Variants in KATNA1 observed in about 807,000 individuals in gnomAD.
KATNA1 encodes the protein katanin catalytic subunit A1, also known as katanin p60 ATPase-containing subunit A1.
KATNA1 carries 42 observed loss-of-function variants against 62.6 expected under a neutral mutation model. That is an observed-to-expected ratio of 0.67 (90% CI 0.52 to 0.87). The LOEUF is 0.87. KATNA1 is among the 40% of genes least tolerant of loss of function. KATNA1 has a pLI of 0.00. For synonymous variants in KATNA1, 186 were observed against 201.9 expected (o/e 0.92, Z 0.67); for missense variants, 498 against 612.5 (o/e 0.81, Z 1.97).
intron 1 of KATNA1, among the ~76,000 whole-genome samples, chr6:149,647,252 A>G (rs564530772): frequency 6.6e-6 from 1 of 152,066 alleles, no homozygotes; most frequent in African/African-American, 2.4e-5. Flanking sequence ...GGCCGGGCGC[A>G]GTGGCTCACG....
At chr6:149,609,250 G>GA (rs1778854101) in intron 4 of KATNA1, among the ~76,000 whole-genome samples, 1 of 150,656 alleles carries the variant, frequency 6.6e-6, no homozygotes, top group Non-Finnish European at 1.5e-5. Flanking sequence ...CAAAGACACA[G>GA]AAAAAATTGA....
chr6:149,630,966 C>CA (rs2114602295), intron 3 of KATNA1, among the ~76,000 whole-genome samples: 1 of 152,324 alleles, frequency 6.6e-6, no homozygotes, highest in South Asian at 2.1e-4. Flanking sequence ...AAAAGTTACC[C>CA]AACCTTATTG....
chr6:149,641,179 GTTT>G (rs34750075), intron 1 of KATNA1, among the ~76,000 whole-genome samples: 16 of 130,624 alleles, frequency 1.2e-4, no homozygotes, highest in African/African-American at 4.1e-4. Flanking sequence ...CTGGCCTCGG[GTTT>G]TTTTTTTTTT....
At chr6:149,638,714 CT>C in intron 1 of KATNA1, 154 bp from the exon 2 acceptor site, 3 of 321,932 alleles carry the variant, frequency 9.3e-6, no homozygotes, top group Non-Finnish European at 1.1e-5. Flanking sequence ...TATTTCACTC[CT>C]TTAAAAAAAA....
chr6:149,618,552 A>C (rs948607104), intron 4 of KATNA1, among the ~76,000 whole-genome samples: 1 of 152,224 alleles, frequency 6.6e-6, no homozygotes, highest in Non-Finnish European at 1.5e-5. Context: ...CAAAAGGAAC[A>C]AAGTTGGAGA....
rs953737548 is a variant in KATNA1, at chr6:149,603,417, T to C, written c.624-44A>G. 7.7e-6 allele frequency: 7 copies of C among 903,690 alleles called. No homozygotes were observed. In the Admixed American group the frequency reaches 1.2e-4, roughly 15 times the overall value. The allele number at this position is 903,690 out of a possible 1,614,324, so 56.0% of individuals were successfully genotyped here. A position where few individuals can be genotyped will look rare whatever the true frequency, so the allele number is the denominator to read the frequency against. ...TATTAACAACCCTTTAGATGATACA[T>C]GTCTATGCAGTCACTCTTGAGAACC... On this transcript the variant is annotated intron_variant, in intron 5 of 10. Transcript: ENST00000367411.
Position 149,627,062 on chromosome 6 carries a change from G to A in KATNA1, c.321-3779C>T, listed in dbSNP as rs9505822. Among the ~76,000 whole-genome samples, 323 of 151,874 alleles carry A rather than the reference G, an allele frequency of 2.1e-3. 9 individuals are homozygous for A. The highest frequency in any genetic ancestry group is 7.5e-3 in the African/African-American group (309 of 41,270). ...ACGTGTGTGTGTATAAGCAGTGCATGAAACAGTACATCAGGTAATATTAAG... is the reference window on the plus strand; with the variant it reads ...ACGTGTGTGTGTATAAGCAGTGCATAAAACAGTACATCAGGTAATATTAAG... On this transcript the variant is annotated intron_variant, in intron 3 of 10. Coordinates refer to ENST00000367411, the MANE Select transcript of KATNA1 (RefSeq NM_007044.4).
chr6:149,627,383 T>C (rs967147341), intron 3 of KATNA1, among the ~76,000 whole-genome samples: 3 of 151,424 alleles, frequency 2.0e-5, no homozygotes, highest in African/African-American at 4.9e-5. Flanking sequence ...CTGGCAAATA[T>C]GGCGAAACCC....
At position 149,595,811 on chromosome 6, in the gene KATNA1, T is replaced by G. The variant is rs116221205; in HGVS notation, c.1278-577A>C. ...TTAATCCTCAGAACCCTGTGTGGTA[T>G]GCTCACTTTAGAAAGGAGGAAACGA... On this transcript the variant is annotated intron_variant, in intron 10 of 10. Transcript: ENST00000367411. Among the ~76,000 whole-genome samples the G allele has an allele frequency of 8.8e-3, 1,347 of 152,348 alleles. 21 individuals are homozygous for G. The highest frequency in any genetic ancestry group is 0.031 in the African/African-American group (1,277 of 41,582).
intron 4 of KATNA1, among the ~76,000 whole-genome samples, chr6:149,616,954 G>T (rs1199284039): frequency 6.6e-6 from 1 of 152,122 alleles, no homozygotes; most frequent in Non-Finnish European, 1.5e-5. Flanking sequence ...AAATATATAT[G>T]CAATGGAATA....
intron 4 of KATNA1, among the ~76,000 whole-genome samples, chr6:149,606,563 G>A (rs1445539657): frequency 1.3e-5 from 2 of 151,392 alleles, no homozygotes; most frequent in African/African-American, 2.4e-5. Flanking sequence ...TCCACAATGT[G>A]TGTATTGAGC....
chr6:149,599,813 G>A (rs1001238649), intron 7 of KATNA1, among the ~76,000 whole-genome samples: 3 of 151,936 alleles, frequency 2.0e-5, no homozygotes, highest in African/African-American at 7.3e-5. Context: ...CCACCATGCC[G>A]GGCCCCTCTC....
chr6:149,598,037 G>T, intron 8 of KATNA1, 187 bp downstream of exon 8: 1 of 587,918 alleles, frequency 1.7e-6, no homozygotes, highest in Non-Finnish European at 2.9e-6. Context: ...TGTCACCACT[G>T]TCAGTGTACC....
chr6:149,638,627 TA>T, intron 1 of KATNA1, 67 bp from the exon 2 acceptor site: 1 of 1,101,028 alleles, frequency 9.1e-7, no homozygotes, highest in Non-Finnish European at 1.3e-6. Context: ...GTATAGTTAT[TA>T]AAAAATACTT....
chr6:149,599,981 CT>C (rs1472040014), intron 7 of KATNA1, among the ~76,000 whole-genome samples: 1 of 151,954 alleles, frequency 6.6e-6, no homozygotes, highest in Non-Finnish European at 1.5e-5. Context: ...AATCTTTGGA[CT>C]TTTGCTGGAA....
At chr6:149,633,033 TA>T in intron 2 of KATNA1, 117 bp from the exon 3 acceptor site, 1 of 667,892 alleles carries the variant, frequency 1.5e-6, no homozygotes, top group Non-Finnish European at 2.5e-6. Context: ...AGATATCCAG[TA>T]AACCACATCA....
At chr6:149,626,380 C>T (rs1779611841) in intron 3 of KATNA1, among the ~76,000 whole-genome samples, 1 of 141,682 alleles carries the variant, frequency 7.1e-6, no homozygotes, top group East Asian at 2.4e-4. Context: ...CTGCAAGCTC[C>T]GCCTTCCGGG....
Position 149,595,082 on chromosome 6 carries a change from T to C in KATNA1, c.1430A>G (p.Asp477Gly). ...KKVSKSVSAA[D>G]IERYEKWIFE... ...TATCCATTTCTCGTATCTTTCAATG[T>C]CTGCAGCAGACACTGACTTAGAAAC... Residue 477 changes from aspartate (D) to glycine (G), a missense_variant, in exon 11 of 11, where the codon GAC (aspartate) becomes GGC (glycine). Physicochemically the swap from Asp to Gly is moderately conservative, Grantham distance 94. Coordinates refer to ENST00000367411, the MANE Select transcript of KATNA1 (RefSeq NM_007044.4). 1 of 1,614,102 alleles carries C rather than the reference T, an allele frequency of 6.2e-7. No homozygotes were observed. Among genetic ancestry groups the C allele is most frequent in the South Asian group, 1.1e-5 (1 of 91,086 alleles).
At chr6:149,596,574 CTTT>C in intron 10 of KATNA1, among the ~76,000 whole-genome samples, 1 of 146,878 alleles carries the variant, frequency 6.8e-6, no homozygotes, top group African/African-American at 2.5e-5. Context: ...CTTTATTCAT[CTTT>C]TTTTTTTTTC....
Sources: allele counts gnomAD v4.1 joint callset (sites outside exome capture counted in the v4.1 genomes callset), GRCh38; gene constraint gnomAD v4.1.1; transcripts MANE v1.5; gene names NCBI Gene and HGNC (gene_info 2026-07-23, HGNC 2026-07-21).